GOSR1: variants seen among roughly 807,000 people sequenced by gnomAD.
The protein encoded by GOSR1 is 28 kDa Golgi SNARE protein.
Under a neutral mutation model 35.5 loss-of-function variants are expected in GOSR1, and 21 were observed. The ratio of observed to expected loss-of-function variants is 0.59; its 90% CI spans 0.42 to 0.85. GOSR1 has a LOEUF of 0.85. Ranked by LOEUF, GOSR1 falls within the 40% of genes least tolerant of loss-of-function variation. GOSR1 has a pLI of 0.00. For synonymous variants in GOSR1, 94 were observed against 106.6 expected, an observed-to-expected ratio of 0.88 and a Z score of 0.73; for missense variants, 285 against 309.6, an observed-to-expected ratio of 0.92 and a Z score of 0.60.
At chr17:30,482,112 C>T (rs1222058747) in intron 2 of GOSR1, among the ~76,000 whole-genome samples, 1 of 152,098 alleles carries the variant, frequency 6.6e-6, no homozygotes, top group African/African-American at 2.4e-5. Context: ...TGGCACCCCA[C>T]TTTCTCCCAC....
chr17:30,511,746 G>T (rs1967620830), intron 7 of GOSR1, among the ~76,000 whole-genome samples: 1 of 152,038 alleles, frequency 6.6e-6, no homozygotes, highest in South Asian at 2.1e-4. Context: ...GGCCAGTCTG[G>T]TCCCGAACTC....
At chr17:30,522,209 A>G in intron 8 of GOSR1, 45 bp from the exon 9 acceptor site, 1 of 1,544,390 alleles carries the variant, frequency 6.5e-7, no homozygotes, top group Non-Finnish European at 8.8e-7. Context: ...ACTTTTCGCC[A>G]GAGAGGCTTC....
In GOSR1 at chr17:30,490,174, C is replaced by T. The variant is rs747348695; in HGVS notation, c.391C>T (p.Arg131Trp). ...AACCAAAGCAAACTTTATGGCAATA[C>T]GGGAAAGGGAGAATCTTATGGGATC... ...HKTKANFMAI[R>W]ERENLMGSVR... Residue 131 changes from arginine to tryptophan, a missense_variant, in exon 5 of 9, where the codon CGG (arginine) becomes TGG (tryptophan). Arg to Trp is a moderately radical substitution (Grantham distance 101, BLOSUM62 -3). Around this residue, in one of 3 missense-constraint regions of GOSR1, gnomAD observed 168 missense variants for 183.2 expected, o/e 0.92. Coordinates refer to ENST00000451249, the MANE Select transcript of GOSR1 (RefSeq NM_001007025.2). The T allele has an allele frequency of 2.9e-5, 45 of 1,567,182 alleles. No homozygotes were observed. Among genetic ancestry groups the T allele is most frequent in the Non-Finnish European group, 3.5e-5 (40 of 1,137,972 alleles).
intron 2 of GOSR1, among the ~76,000 whole-genome samples, chr17:30,483,617 G>A (rs1914490950): frequency 6.6e-6 from 1 of 152,166 alleles, no homozygotes. Context: ...CATTGCCTGG[G>A]CATTTATCTG....
rs779449987 is a variant in GOSR1 at position 30,490,139 on chromosome 17, A to C, written c.356A>C (p.Glu119Ala). ...GATTTATTACAGGATTATACACATG[A>C]ATTCCATAAAACCAAAGCAAACTTT... ...HRDILQDYTH[E>A]FHKTKANFMA... is the part of the protein sequence containing the mutation. The change falls in exon 5 of 9, where the codon GAA becomes GCA. Residue 119 changes from glutamate to alanine, a missense_variant. Around this residue, in one of 3 missense-constraint regions of GOSR1, gnomAD observed 168 missense variants for 183.2 expected, o/e 0.92. Transcript: ENST00000451249. The C allele has an allele frequency of 6.7e-7, 1 of 1,501,794 alleles. No individual in the cohort carries two copies. The allele number at this position is 1,501,794 out of a possible 1,614,324, so 93.0% of individuals were successfully genotyped here. A position where few individuals can be genotyped will look rare whatever the true frequency, so the allele number is the denominator to read the frequency against.
intron 6 of GOSR1, among the ~76,000 whole-genome samples, chr17:30,501,286 C>T (rs1169606482): frequency 1.3e-5 from 2 of 152,060 alleles, no homozygotes; most frequent in African/African-American, 4.8e-5. Flanking sequence ...TGAAAAGATA[C>T]TTAATGTAAT....
chr17:30,516,477 AAAAAAG>A (rs1215635473), intron 7 of GOSR1, among the ~76,000 whole-genome samples: 1 of 149,902 alleles, frequency 6.7e-6, no homozygotes, highest in Non-Finnish European at 1.5e-5. Context: ...CTCAAACAAA[AAAAAAG>A]AAAAAGAAAA....
chr17:30,479,487 A>T (rs1000817983), intron 1 of GOSR1: 1 of 152,132 alleles, frequency 6.6e-6, no homozygotes, highest in Non-Finnish European at 1.5e-5. Context: ...AGCCCTCCAA[A>T]TTACTTTCAG....
intron 1 of GOSR1, 112 bp from the exon 2 acceptor site, chr17:30,481,031 G>C (rs1271748321): frequency 1.4e-6 from 1 of 712,750 alleles, no homozygotes; most frequent in Non-Finnish European, 2.5e-6. Context: ...CTTTATGGGG[G>C]TAACAAGATC....
At position 30,487,444 on chromosome 17, in the gene GOSR1, C is replaced by T. The variant is rs550211883; in HGVS notation, c.342+2674C>T. 1.2e-4 allele frequency among the ~76,000 whole-genome samples: 18 copies of T among 152,078 alleles called. No homozygotes were observed. In the East Asian group the frequency reaches 3.5e-3, roughly 29 times the overall value. ...TAACGAATGGCTAATTTGCTTACTACACAGAGATATAATAGAAATAAGAAA... is the reference window on the plus strand; with the variant it reads ...TAACGAATGGCTAATTTGCTTACTATACAGAGATATAATAGAAATAAGAAA... On this transcript the variant is annotated intron_variant, in intron 4 of 8. Coordinates refer to ENST00000451249, the MANE Select transcript of GOSR1 (RefSeq NM_001007025.2).
chr17:30,524,529 T>C lies in GOSR1; in HGVS notation c.*2151T>C, dbSNP rs1283026206. On this transcript the variant is annotated 3_prime_UTR_variant, in exon 9 of 9. Coordinates refer to ENST00000451249, the MANE Select transcript of GOSR1 (RefSeq NM_001007025.2). Reference sequence around the variant, plus strand: ...GTCTTATATTTAAGGCACCAGTCATTGTTTCCATTTTTTTTTTAATTCTTC... The same window carrying C: ...GTCTTATATTTAAGGCACCAGTCATCGTTTCCATTTTTTTTTTAATTCTTC... 1.8e-5 allele frequency: 2 copies of C among 113,328 alleles called. No individual in the cohort carries two copies. The highest frequency in any genetic ancestry group is 3.7e-5 in the Non-Finnish European group (2 of 53,464). 7.0% of individuals were successfully genotyped at this position (113,328 alleles called of 1,614,324 possible).
intron 2 of GOSR1, among the ~76,000 whole-genome samples, chr17:30,482,334 A>G (rs1914411039): frequency 6.6e-6 from 1 of 152,148 alleles, no homozygotes; most frequent in Non-Finnish European, 1.5e-5. Flanking sequence ...CCATTTGATG[A>G]TGGCCATTGT....
At chr17:30,504,659 C>T (rs558292539) in intron 6 of GOSR1, among the ~76,000 whole-genome samples, 1 of 152,292 alleles carries the variant, frequency 6.6e-6, no homozygotes, top group South Asian at 2.1e-4. Flanking sequence ...TGTATGTACT[C>T]ATTACGTAAT....
At chr17:30,520,628 A>C (rs972443053) in intron 8 of GOSR1, among the ~76,000 whole-genome samples, 4 of 152,230 alleles carry the variant, frequency 2.6e-5, no homozygotes, top group African/African-American at 9.7e-5. Flanking sequence ...TGGCACTCTG[A>C]GTCATTTCAT....
chr17:30,496,244 C>G (rs1378382933), intron 6 of GOSR1, among the ~76,000 whole-genome samples: 5 of 152,200 alleles, frequency 3.3e-5, no homozygotes, highest in Non-Finnish European at 5.9e-5. Flanking sequence ...TACACTGTCT[C>G]TGGTTTACAC....
intron 6 of GOSR1, among the ~76,000 whole-genome samples, chr17:30,506,356 A>G (rs1314148844): frequency 6.6e-6 from 1 of 152,246 alleles, no homozygotes; most frequent in Non-Finnish European, 1.5e-5. Context: ...ACAAATGATA[A>G]GAAAGCAAAA....
chr17:30,502,596 C>T (rs1967250817), intron 6 of GOSR1, among the ~76,000 whole-genome samples: 1 of 152,168 alleles, frequency 6.6e-6, no homozygotes, highest in Non-Finnish European at 1.5e-5. Flanking sequence ...CTGTCAGGTG[C>T]TTCACTTTCT....
intron 7 of GOSR1, among the ~76,000 whole-genome samples, chr17:30,514,888 C>G (rs1967742910): frequency 6.6e-6 from 1 of 152,188 alleles, no homozygotes; most frequent in Non-Finnish European, 1.5e-5. Context: ...TTTACATGAG[C>G]TCTTTCGTGA....
intron 6 of GOSR1, 65 bp from the exon 7 acceptor site, chr17:30,510,815 A>G (rs564423165): frequency 1.2e-6 from 1 of 860,944 alleles, no homozygotes; most frequent in Non-Finnish European, 1.9e-6. Flanking sequence ...ATGTAGAAAA[A>G]TTAATACAGG....
Sources: gnomAD v4.1 joint callset for allele counts (sites outside exome capture counted in the v4.1 genomes callset) on GRCh38, gnomAD v4.1.1 for gene constraint, gnomAD v4.1.1 regional missense constraint, MANE v1.5 for transcripts, NCBI Gene and HGNC (gene_info 2026-07-23, HGNC 2026-07-21) for gene names.